The following OPRM1 variants were observed in gnomAD, a reference collection of about 807,000 sequenced individuals.
OPRM1 encodes opioid receptor mu 1, also known as mu-type opioid receptor.
A neutral mutation model predicts 31.8 loss-of-function variants in OPRM1; 27 were observed. The observed-to-expected ratio is 0.85, with a 90% CI of 0.63 to 1.17. The LOEUF (loss-of-function observed/expected upper bound fraction) is 1.17, where lower values mean the gene tolerates loss of function less well. Among genes scored for constraint, OPRM1 ranks in the 50% most tolerant of loss-of-function variants. OPRM1 has a pLI of 0.00. For synonymous variants in OPRM1, 196 were observed against 189.9 expected (o/e 1.03, Z -0.26); for missense variants, 536 against 511.1 (o/e 1.05, Z -0.47).
chr6:154,227,158 C>T (rs1247173204), intron 3 of OPRM1, among the ~76,000 whole-genome samples: 3 of 151,890 alleles, frequency 2.0e-5, no homozygotes, highest in African/African-American at 4.8e-5. Context: ...GAGCCAAGAC[C>T]GCACCACTGC....
chr6:154,057,467 A>G (rs999912849), intron 1 of OPRM1, among the ~76,000 whole-genome samples: 2 of 152,224 alleles, frequency 1.3e-5, no homozygotes, highest in African/African-American at 4.8e-5. Context: ...ATCAATTACT[A>G]TAGCTCACCT....
In OPRM1 at chr6:154,118,739, C is replaced by A; in HGVS notation, c.*18C>A. 6.2e-7 allele frequency: 1 copy of A among 1,612,716 alleles called. No homozygotes were observed. Among genetic ancestry groups the A allele is most frequent in the Non-Finnish European group, 8.5e-7 (1 of 1,179,440 alleles). ...TGCCCTAACAGGGTCTCATGCCATT[C>A]CGACCTTCACCAAGCTTAGAAGCCA... On this transcript the variant is annotated 3_prime_UTR_variant, in exon 4 of 4. Transcript: ENST00000330432.
At chr6:154,114,182 A>C (rs948493469) in intron 3 of OPRM1, among the ~76,000 whole-genome samples, 10 of 152,192 alleles carry the variant, frequency 6.6e-5, no homozygotes, top group African/African-American at 2.4e-4. Context: ...CTAAGATCTA[A>C]ATAGTCCAAT....
intron 3 of OPRM1, chr6:154,108,272 T>A: frequency 2.9e-6 from 1 of 345,802 alleles, no homozygotes; most frequent in Non-Finnish European, 5.1e-6. Context: ...CCAGATGGGT[T>A]CCATCATCTT....
chr6:154,039,983 T>A (rs920734458), intron 1 of OPRM1, 149 bp downstream of exon 1: 2 of 587,738 alleles, frequency 3.4e-6, no homozygotes, highest in Non-Finnish European at 2.8e-6. Context: ...CGGACAGTGA[T>A]TGTTATTTCT....
intron 1 of OPRM1, among the ~76,000 whole-genome samples, chr6:154,063,216 T>A (rs1035934253): frequency 7.2e-5 from 11 of 152,028 alleles, no homozygotes; most frequent in African/African-American, 2.2e-4. Context: ...ATAGATACAA[T>A]AATAGATACA....
intron 3 of OPRM1, among the ~76,000 whole-genome samples, chr6:154,184,811 T>C (rs1012042601): frequency 6.6e-6 from 1 of 152,212 alleles, no homozygotes; most frequent in Non-Finnish European, 1.5e-5. Context: ...AGTATCTTTC[T>C]AGATTGTTTG....
chr6:154,181,608 C>T (rs1800877232), intron 3 of OPRM1, among the ~76,000 whole-genome samples: 1 of 152,184 alleles, frequency 6.6e-6, no homozygotes, highest in Non-Finnish European at 1.5e-5. Context: ...CTGAACTGGA[C>T]AGACCAAGGC....
chr6:154,224,666 G>A (rs560933064), intron 3 of OPRM1, among the ~76,000 whole-genome samples: 2 of 152,120 alleles, frequency 1.3e-5, no homozygotes, highest in African/African-American at 4.8e-5. Flanking sequence ...AGCCAAGATC[G>A]TGCCACTGCA....
At chr6:154,215,287 T>C (rs1778297902) in intron 3 of OPRM1, among the ~76,000 whole-genome samples, 1 of 105,016 alleles carries the variant, frequency 9.5e-6, no homozygotes, top group South Asian at 5.2e-4. Context: ...GGTCTTGTTG[T>C]ACCTGTTATT....
intron 3 of OPRM1, among the ~76,000 whole-genome samples, chr6:154,202,403 T>C (rs1195124284): frequency 1.3e-5 from 2 of 152,152 alleles, no homozygotes; most frequent in Admixed American, 1.3e-4. Context: ...ATTGTCCAAA[T>C]AAATGGCAGG....
chr6:154,183,780 C>T (rs955096880), intron 3 of OPRM1, among the ~76,000 whole-genome samples: 10 of 152,004 alleles, frequency 6.6e-5, no homozygotes, highest in East Asian at 5.8e-4. Flanking sequence ...CCTCTAGCTA[C>T]GTGGGAGGCT....
At chr6:154,151,821 C>T (rs1798506335) in intron 3 of OPRM1, among the ~76,000 whole-genome samples, 1 of 152,034 alleles carries the variant, frequency 6.6e-6, no homozygotes, top group African/African-American at 2.4e-5. Context: ...GAAAAACAAG[C>T]AGACTGGCAT....
downstream of OPRM1, among the ~76,000 whole-genome samples, chr6:154,134,632 A>G (rs1214315780): frequency 6.6e-6 from 1 of 152,178 alleles, no homozygotes; most frequent in Admixed American, 6.5e-5. Flanking sequence ...CAAACACAAC[A>G]GAACAGGAAC....
At chr6:154,205,029 T>C (rs1170116084) in intron 3 of OPRM1, among the ~76,000 whole-genome samples, 12 of 152,114 alleles carry the variant, frequency 7.9e-5, no homozygotes, top group Admixed American at 2.6e-4. Flanking sequence ...CTCCTTCCCA[T>C]TGCTTGGACC....
At chr6:154,185,599 C>A (rs1277516162) in intron 3 of OPRM1, among the ~76,000 whole-genome samples, 1 of 152,098 alleles carries the variant, frequency 6.6e-6, no homozygotes, top group Non-Finnish European at 1.5e-5. Context: ...ATGCCATATG[C>A]TTATTATAAA....
At chr6:154,026,937 C>T (rs1778730063) in intron 1 of OPRM1, among the ~76,000 whole-genome samples, 1 of 151,888 alleles carries the variant, frequency 6.6e-6, no homozygotes. Flanking sequence ...CTTTGTTTCT[C>T]CAGGAATAGT....
At chr6:154,182,255 G>A (rs976936743) in intron 3 of OPRM1, among the ~76,000 whole-genome samples, 5 of 152,032 alleles carry the variant, frequency 3.3e-5, no homozygotes, top group African/African-American at 7.2e-5. Flanking sequence ...AGTCATGTAC[G>A]TATCTTCTTT....
rs768711872 is a variant in OPRM1 at position 154,212,666 on chromosome 6, C to T, written c.1165-34027C>T. The T allele has an allele frequency of 1.0e-4, 74 of 728,596 alleles. 1 individual carries two copies. Among genetic ancestry groups the T allele is most frequent in the Admixed American group, 2.7e-4 (10 of 37,628 alleles). 45.1% of individuals were successfully genotyped at this position (728,596 alleles called of 1,614,324 possible). On this transcript the variant is annotated intron_variant, in intron 3 of 3. Transcript: ENST00000337049. ...CTCGTTGGCAGGTATCTTAATTTAG[C>T]CCATTCTAAAAATTTATTGGTCAAG...
Sources: allele counts gnomAD v4.1 joint callset (sites outside exome capture counted in the v4.1 genomes callset), GRCh38; gene constraint gnomAD v4.1.1; transcripts MANE v1.5; gene names NCBI Gene and HGNC (gene_info 2026-07-23, HGNC 2026-07-21).